ATF7: variants seen among roughly 807,000 people sequenced by gnomAD.
ATF7 encodes cyclic AMP-dependent transcription factor ATF-7.
Under a neutral mutation model 50.4 loss-of-function variants are expected in ATF7, and 10 were observed. That is an observed-to-expected ratio of 0.20 (90% confidence interval 0.12 to 0.34). The LOEUF is 0.34. Ranked by LOEUF, ATF7 falls within the 10% of genes least tolerant of loss-of-function variation. The pLI is 1.00. For synonymous variants in ATF7, 201 were observed against 226.4 expected (o/e 0.89, Z 1.01); for missense variants, 465 against 613.9 (o/e 0.76, Z 2.56).
At chr12:53,564,087 C>G (rs1251773069) in intron 2 of ATF7, among the ~76,000 whole-genome samples, 1 of 152,100 alleles carries the variant, frequency 6.6e-6, no homozygotes, top group African/African-American at 2.4e-5. Flanking sequence ...ATTAAAATGT[C>G]CTGTGAGGCC....
At chr12:53,559,231 TTTTTTC>T (rs1173790835) in intron 2 of ATF7, among the ~76,000 whole-genome samples, 6 of 119,494 alleles carry the variant, frequency 5.0e-5, no homozygotes, top group African/African-American at 1.4e-4. Context: ...TTTCTTTTTC[TTTTTTC>T]TTTTTTTTAG....
At chr12:53,545,786 G>C (rs1397615466) in intron 3 of ATF7, among the ~76,000 whole-genome samples, 1 of 152,198 alleles carries the variant, frequency 6.6e-6, no homozygotes, top group Non-Finnish European at 1.5e-5. Context: ...CTGGGGCAGT[G>C]GCTAAGGCCT....
At chr12:53,583,552 C>T (rs372310056) in intron 2 of ATF7, among the ~76,000 whole-genome samples, 55 of 151,994 alleles carry the variant, frequency 3.6e-4, no homozygotes, top group African/African-American at 1.3e-3. Context: ...TCCCCCCCAC[C>T]CCCAGTCCAT....
At chr12:53,543,021 C>CTT (rs1238912172) in intron 4 of ATF7, 1 of 1,243,360 alleles carries the variant, frequency 8.0e-7, no homozygotes, top group African/African-American at 1.5e-5. Context: ...AATTTATCAC[C>CTT]TTTTAACATC....
At chr12:53,555,490 ATTTTTTTTTT>A (rs543048867) in intron 2 of ATF7, among the ~76,000 whole-genome samples, 8 of 100,766 alleles carry the variant, frequency 7.9e-5, no homozygotes, top group African/African-American at 3.5e-4. Flanking sequence ...AAATAATATA[ATTTTTTTTTT>A]TTTTTTTTTT....
Position 53,517,216 on chromosome 12 carries a change from G to A in ATF7, c.1373C>T (p.Ala458Val), listed in dbSNP as rs868781389. The A allele has an allele frequency of 1.2e-6, 2 of 1,613,878 alleles. No individual in the cohort carries two copies. Among genetic ancestry groups the A allele is most frequent in the African/African-American group, 1.3e-5 (1 of 74,932 alleles). Residue 458 changes from alanine to valine, a missense_variant, in exon 12 of 12, where the codon GCC (alanine) becomes GTC (valine). Physicochemically the swap from Ala to Val is moderately conservative, Grantham distance 64 (BLOSUM62 0). Coordinates refer to ENST00000420353, the MANE Select transcript of ATF7 (RefSeq NM_006856.3). The stretch of plus-strand genomic sequence containing the variant: ...CATGCTCAGTTCTGTCCTTTGGCTG[G>A]CCATCTGAGTGAGGACCGAGGTGGC... ...AVATSVLTQM[A>V]SQRTELSMPI...
chr12:53,572,353 C>G (rs746645688), intron 2 of ATF7, among the ~76,000 whole-genome samples: 1 of 152,138 alleles, frequency 6.6e-6, no homozygotes, highest in Non-Finnish European at 1.5e-5. Context: ...GAGCTGAAAC[C>G]TGCATGACAA....
chr12:53,550,730 T>C (rs928022794), intron 3 of ATF7, among the ~76,000 whole-genome samples: 1 of 152,222 alleles, frequency 6.6e-6, no homozygotes, highest in Non-Finnish European at 1.5e-5. Flanking sequence ...CATAAGGGGT[T>C]GGGATACATA....
intron 3 of ATF7, among the ~76,000 whole-genome samples, chr12:53,549,297 AAG>A (rs199818069): frequency 0.44 from 60,613 of 139,280 alleles, 12,215 homozygotes; most frequent in East Asian, 0.65. Flanking sequence ...AAAAAAAAAA[AAG>A]AAAGAAAAAA....
chr12:53,587,839 A>ATT (rs1487043109), intron 2 of ATF7, among the ~76,000 whole-genome samples: 9 of 62,984 alleles, frequency 1.4e-4, no homozygotes, highest in East Asian at 5.6e-4. Context: ...ATATATATAT[A>ATT]TATATTTTTT....
At chr12:53,621,627 C>CA (rs57827238) in intron 1 of ATF7, among the ~76,000 whole-genome samples, 5,255 of 140,102 alleles carry the variant, frequency 0.038, 117 homozygotes, top group African/African-American at 0.072. Flanking sequence ...TCTAAAAATA[C>CA]AAAAAAAAAA....
intron 2 of ATF7, among the ~76,000 whole-genome samples, chr12:53,565,771 G>T (rs1941413923): frequency 6.6e-6 from 1 of 152,130 alleles, no homozygotes; most frequent in African/African-American, 2.4e-5. Context: ...GGGATTACAG[G>T]TGTGAGCCCC....
intron 2 of ATF7, among the ~76,000 whole-genome samples, chr12:53,557,033 C>T (rs998661928): frequency 6.6e-6 from 1 of 151,900 alleles, no homozygotes; most frequent in Non-Finnish European, 1.5e-5. Context: ...GCTGGAACTA[C>T]AGGTGCACAC....
At chr12:53,597,116 A>G (rs1158922242) in intron 2 of ATF7, among the ~76,000 whole-genome samples, 1 of 152,216 alleles carries the variant, frequency 6.6e-6, no homozygotes, top group Non-Finnish European at 1.5e-5. Flanking sequence ...GAGAATAGGA[A>G]TAACAGGGCT....
intron 4 of ATF7, chr12:53,542,887 G>C (rs1039420427): frequency 5.9e-5 from 59 of 1,005,276 alleles, no homozygotes; most frequent in Non-Finnish European, 5.8e-5. Context: ...AAACAAAGAA[G>C]AGTGGAAATT....
intron 11 of ATF7, 59 bp from the exon 12 acceptor site, chr12:53,517,413 G>A: frequency 6.7e-7 from 1 of 1,484,818 alleles, no homozygotes; most frequent in Non-Finnish European, 9.2e-7. Flanking sequence ...AATGGGGAAA[G>A]AGGCAGGACT....
In ATF7 at chr12:53,602,702, G is replaced by A. The variant is rs143741703; in HGVS notation, c.-21-1681C>T. 1.4e-3 allele frequency among the ~76,000 whole-genome samples: 206 copies of A among 152,310 alleles called. 1 individual carries two copies. The highest frequency in any genetic ancestry group is 4.7e-3 in the African/African-American group (195 of 41,576). The stretch of plus-strand genomic sequence containing the variant: ...TTCAATAAATTCTGTTCCTAGGAGA[G>A]GCCAGCTCAAGCTGATGATTGGGTA... On this transcript the variant is annotated intron_variant, in intron 1 of 11. Transcript: ENST00000420353.
intron 11 of ATF7, among the ~76,000 whole-genome samples, chr12:53,521,592 A>T (rs1201476903): frequency 1.3e-5 from 2 of 152,204 alleles, no homozygotes; most frequent in African/African-American, 4.8e-5. Context: ...AAGCCACCTA[A>T]TCTAAAATTT....
At chr12:53,525,348 C>T (rs1391174693) in intron 9 of ATF7, among the ~76,000 whole-genome samples, 2 of 152,054 alleles carry the variant, frequency 1.3e-5, no homozygotes. Flanking sequence ...AGCGAAACTC[C>T]GTCTCACAAA....
Sources: gnomAD v4.1 joint callset for allele counts (sites outside exome capture counted in the v4.1 genomes callset) on GRCh38, gnomAD v4.1.1 for gene constraint, MANE v1.5 for transcripts, NCBI Gene and HGNC (gene_info 2026-07-23, HGNC 2026-07-21) for gene names.